SNX10: variants seen among roughly 807,000 people sequenced by gnomAD.
SNX10 encodes the protein sorting nexin 10.
A neutral mutation model predicts 28.5 loss-of-function variants in SNX10; 25 were observed. The observed-to-expected ratio is 0.88, with a 90% CI of 0.64 to 1.22. The LOEUF (loss-of-function observed/expected upper bound fraction) is 1.22. Among genes scored for constraint, SNX10 ranks in the 50% most tolerant of loss-of-function variants. SNX10 has a pLI of 0.00. For missense variants in SNX10, 223 were observed against 242.6 expected, an observed-to-expected ratio of 0.92 and a Z score of 0.54; for synonymous variants, 62 against 81.4, an observed-to-expected ratio of 0.76 and a Z score of 1.28.
intron 1 of SNX10, among the ~76,000 whole-genome samples, chr7:26,307,990 C>T (rs531907322): frequency 2.0e-5 from 3 of 152,330 alleles, no homozygotes; most frequent in South Asian, 4.1e-4. Context: ...CTTACTCCAT[C>T]CCTGCCTTCC....
rs1305935718 is a variant in SNX10 at position 26,360,985 on chromosome 7, GTGTC to G, written c.38_41del (p.Val13GlyfsTer32). The G allele has an allele frequency of 6.2e-7, 1 of 1,611,336 alleles. No homozygotes were observed. On this transcript the variant is annotated frameshift_variant, in exon 3 of 7. Transcript: ENST00000338523. LOFTEE classifies it high-confidence loss of function. ...ATGATGCCATTACAGGAATTTGTAAGTGTCTGGGTTCGAGATCCTAGGATTCAGA... is the reference window on the plus strand; with the variant it reads ...ATGATGCCATTACAGGAATTTGTAAGTGGGTTCGAGATCCTAGGATTCAGA...
At chr7:26,328,803 T>A (rs536904065) in intron 1 of SNX10, among the ~76,000 whole-genome samples, 37 of 152,310 alleles carry the variant, frequency 2.4e-4, no homozygotes, top group African/African-American at 8.4e-4. Context: ...GGAATGTTTG[T>A]CTCCTTCTCC....
intron 2 of SNX10, among the ~76,000 whole-genome samples, chr7:26,358,801 T>TTG (rs1167432459): frequency 1.6e-3 from 209 of 129,548 alleles, no homozygotes; most frequent in Non-Finnish European, 3.0e-3. Context: ...TAGTGTTATC[T>TTG]TGTGTTTTTT....
chr7:26,341,493 A>G (rs952249118), intron 1 of SNX10, among the ~76,000 whole-genome samples: 4 of 99,132 alleles, frequency 4.0e-5, no homozygotes, highest in Non-Finnish European at 8.0e-5. Flanking sequence ...AGAATTCTCT[A>G]TGTGCATTTT....
At chr7:26,325,063 G>A (rs1200934852) in intron 1 of SNX10, among the ~76,000 whole-genome samples, 1 of 151,572 alleles carries the variant, frequency 6.6e-6, no homozygotes, top group Non-Finnish European at 1.5e-5. Context: ...TTGAAGCTGT[G>A]ATCATCCCCC....
At chr7:26,340,167 G>C (rs2128008968) in intron 1 of SNX10, among the ~76,000 whole-genome samples, 1 of 152,266 alleles carries the variant, frequency 6.6e-6, no homozygotes, top group Non-Finnish European at 1.5e-5. Context: ...ACCAAGCCTA[G>C]CATTGCAAAT....
intron 1 of SNX10, among the ~76,000 whole-genome samples, chr7:26,313,426 G>A (rs1786930976): frequency 6.6e-6 from 1 of 152,118 alleles, no homozygotes; most frequent in South Asian, 2.1e-4. Context: ...ACTACCTGAT[G>A]CACCTTTTTT....
intron 1 of SNX10, among the ~76,000 whole-genome samples, chr7:26,335,301 A>T (rs984626965): frequency 4.6e-5 from 7 of 152,156 alleles, no homozygotes; most frequent in African/African-American, 2.4e-5. Flanking sequence ...TCAGAACCCC[A>T]GCTGTGATGT....
intron 1 of SNX10, among the ~76,000 whole-genome samples, chr7:26,303,983 T>G (rs1038696552): frequency 6.6e-6 from 1 of 152,244 alleles, no homozygotes; most frequent in Non-Finnish European, 1.5e-5. Flanking sequence ...CATTTCATAT[T>G]AACTTGCCCA....
chr7:26,366,367 T>G (rs1246788944), intron 5 of SNX10, among the ~76,000 whole-genome samples: 1 of 152,168 alleles, frequency 6.6e-6, no homozygotes, highest in Non-Finnish European at 1.5e-5. Flanking sequence ...TACAGAAAGA[T>G]CCAAGATTAT....
At chr7:26,319,259 A>C (rs1215636618) in intron 1 of SNX10, among the ~76,000 whole-genome samples, 1 of 151,032 alleles carries the variant, frequency 6.6e-6, no homozygotes. Context: ...TCCTTGAGGA[A>C]CTCTGGTATA....
At chr7:26,316,197 A>AC (rs1554351894) in intron 1 of SNX10, among the ~76,000 whole-genome samples, 42 of 150,892 alleles carry the variant, frequency 2.8e-4, no homozygotes, top group Admixed American at 1.1e-3. Flanking sequence ...AAAAAAAAAA[A>AC]CAAAAAACCT....
chr7:26,296,195 A>G (rs1480760086), intron 1 of SNX10, among the ~76,000 whole-genome samples: 1 of 152,182 alleles, frequency 6.6e-6, no homozygotes, highest in African/African-American at 2.4e-5. Flanking sequence ...ATTTTTGCAT[A>G]GTATGTGGCT....
intron 1 of SNX10, among the ~76,000 whole-genome samples, chr7:26,306,017 C>T (rs1786576387): frequency 6.6e-6 from 1 of 152,066 alleles, no homozygotes; most frequent in Admixed American, 6.5e-5. Flanking sequence ...GCCTCAGCCT[C>T]TGGAGTAGTT....
At chr7:26,372,457 C>T in intron 6 of SNX10, 34 bp from the exon 7 acceptor site, 1 of 1,397,224 alleles carries the variant, frequency 7.2e-7, no homozygotes, top group Non-Finnish European at 1.0e-6. Flanking sequence ...CCAATTTCCT[C>T]TTTTTATTAT....
chr7:26,342,651 A>T (rs779403513), intron 1 of SNX10, among the ~76,000 whole-genome samples: 146 of 152,338 alleles, frequency 9.6e-4, no homozygotes, highest in Non-Finnish European at 1.9e-3. Flanking sequence ...AAATTCAGAC[A>T]ATATGGAAGT....
intron 1 of SNX10, among the ~76,000 whole-genome samples, chr7:26,300,327 A>G (rs977953686): frequency 8.6e-5 from 13 of 152,004 alleles, no homozygotes; most frequent in Non-Finnish European, 1.5e-4. Flanking sequence ...TCCTGGCCTC[A>G]AGGGATCCTC....
chr7:26,359,058 A>G (rs147329381), intron 2 of SNX10, among the ~76,000 whole-genome samples: 26,501 of 151,954 alleles, frequency 0.17, 2,537 homozygotes, highest in South Asian at 0.36. Flanking sequence ...CACCCGCCTC[A>G]GCCTCCCAAA....
At chr7:26,322,850 G>C (rs2128000911) in intron 1 of SNX10, among the ~76,000 whole-genome samples, 1 of 152,306 alleles carries the variant, frequency 6.6e-6, no homozygotes, top group East Asian at 1.9e-4. Context: ...GGGCACTGCA[G>C]TGAAAAGCAA....
Sources: allele counts gnomAD v4.1 joint callset (sites outside exome capture counted in the v4.1 genomes callset), GRCh38; gene constraint gnomAD v4.1.1; transcripts MANE v1.5; gene names NCBI Gene and HGNC (gene_info 2026-07-23, HGNC 2026-07-21).